WDPCP: variants seen among roughly 807,000 people sequenced by gnomAD.
WDPCP encodes the protein WD repeat-containing and planar cell polarity effector protein fritz homolog.
Under a neutral mutation model 93.1 loss-of-function variants are expected in WDPCP, and 71 were observed. The observed-to-expected ratio is 0.76, with a 90% CI of 0.63 to 0.93. WDPCP has a LOEUF of 0.93. Ranked by LOEUF, WDPCP falls within the 40% of genes least tolerant of loss-of-function variation. The probability of loss-of-function intolerance (pLI) is 0.00; values close to 1 mark genes in which losing one functional copy is unlikely to be tolerated. For synonymous variants in WDPCP, 315 were observed against 315.0 expected (o/e 1.00, Z 0.00); for missense variants, 844 against 887.4 (o/e 0.95, Z 0.62).
rs186365531 is a variant in WDPCP, at chr2:63,452,497, C to T, written c.385-12626G>A. Among the ~76,000 whole-genome samples the T allele has an allele frequency of 1.9e-3, 290 of 152,244 alleles. 2 individuals are homozygous for T. Among genetic ancestry groups the T allele is most frequent in the African/African-American group, 5.9e-3 (246 of 41,534 alleles). On this transcript the variant is annotated intron_variant, in intron 6 of 17. Transcript: ENST00000272321. The stretch of plus-strand genomic sequence containing the variant: ...GTTCATGGACAGGAAGAATCAATAT[C>T]GTGAAAATGGCCATACTGCCCAGGG...
chr2:63,704,391 A>G (rs1372839512), intron 2 of WDPCP, among the ~76,000 whole-genome samples: 1 of 152,106 alleles, frequency 6.6e-6, no homozygotes, highest in Admixed American at 6.5e-5. Context: ...TTTCAAAGGG[A>G]ATGCTTCCAG....
chr2:63,764,024 ATTG>A lies in WDPCP; in HGVS notation n.308+49595_308+49597del, dbSNP rs1476326239. Among the ~76,000 whole-genome samples the A allele has an allele frequency of 5.3e-5, 8 of 152,248 alleles. No homozygotes were observed. The East Asian group carries it at 9.6e-4, about 18-fold the overall frequency. ...TATCAATTCTTGTTCCCTGATAGTT[ATTG>A]TTATTACTTTTTATTGAGGTAAAAT... On this transcript the variant is annotated intron_variant and non_coding_transcript_variant, in intron 2 of 4. Coordinates refer to the WDPCP transcript ENST00000467687.
chr2:63,325,920 C>CA (rs922863341), intron 12 of WDPCP, among the ~76,000 whole-genome samples: 7 of 152,214 alleles, frequency 4.6e-5, no homozygotes, highest in Non-Finnish European at 1.0e-4. Context: ...AGTCCTTACT[C>CA]AGACTCGTGG....
chr2:63,801,549 C>A (rs916017720), intron 2 of WDPCP, among the ~76,000 whole-genome samples: 2 of 152,164 alleles, frequency 1.3e-5, no homozygotes, highest in African/African-American at 2.4e-5. Flanking sequence ...TATTTGTCCC[C>A]GCCCATGTTC....
chr2:63,811,504 A>G (rs781416421), intron 2 of WDPCP, among the ~76,000 whole-genome samples: 8 of 152,124 alleles, frequency 5.3e-5, no homozygotes, highest in Non-Finnish European at 8.8e-5. Flanking sequence ...TTACCAACAC[A>G]AGGAAATGAA....
At chr2:63,514,846 A>G (rs947116780) in intron 1 of WDPCP, among the ~76,000 whole-genome samples, 3 of 152,172 alleles carry the variant, frequency 2.0e-5, no homozygotes, top group Non-Finnish European at 2.9e-5. Flanking sequence ...TTAAGACAGA[A>G]TAGATATGAA....
intron 17 of WDPCP, among the ~76,000 whole-genome samples, chr2:63,139,092 T>C (rs757489610): frequency 3.9e-5 from 6 of 152,222 alleles, no homozygotes; most frequent in African/African-American, 9.6e-5. Context: ...TGTATATATA[T>C]ACGTGTATAT....
intron 1 of WDPCP, among the ~76,000 whole-genome samples, chr2:63,575,543 A>G (rs1708040139): frequency 2.1e-5 from 3 of 141,372 alleles, no homozygotes; most frequent in Non-Finnish European, 3.1e-5. Context: ...TACACTGTAT[A>G]TATAGTATAT....
intron 2 of WDPCP, among the ~76,000 whole-genome samples, chr2:63,754,038 G>T (rs1002949949): frequency 2.6e-5 from 4 of 152,200 alleles, no homozygotes; most frequent in Non-Finnish European, 5.9e-5. Context: ...CTGGTCTTAG[G>T]TAAAGTCTAG....
chr2:63,140,470 C>T (rs373468147), intron 17 of WDPCP, among the ~76,000 whole-genome samples: 1 of 151,832 alleles, frequency 6.6e-6, no homozygotes. Flanking sequence ...CGTTTGTTTG[C>T]GTCATCTATG....
At chr2:63,484,780 G>A (rs1700467022) in intron 5 of WDPCP, 117 bp from the exon 6 acceptor site, 1 of 1,499,474 alleles carries the variant, frequency 6.7e-7, no homozygotes, top group African/African-American at 1.4e-5. Flanking sequence ...AGATCCAACT[G>A]TTTTGGAACT....
chr2:63,139,747 T>G (rs1179150055), intron 17 of WDPCP, among the ~76,000 whole-genome samples: 1 of 152,224 alleles, frequency 6.6e-6, no homozygotes, highest in East Asian at 1.9e-4. Flanking sequence ...GAAGATTTTC[T>G]CCCACTCTGT....
chr2:63,720,684 T>C (rs548797881), intron 2 of WDPCP, among the ~76,000 whole-genome samples: 1 of 152,320 alleles, frequency 6.6e-6, no homozygotes, highest in East Asian at 1.9e-4. Flanking sequence ...GCTGAACTTC[T>C]GAACACAAAC....
intron 1 of WDPCP, among the ~76,000 whole-genome samples, chr2:63,509,079 G>A (rs1342851811): frequency 8.5e-5 from 13 of 152,064 alleles, no homozygotes; most frequent in South Asian, 2.1e-4. Context: ...TGGACCAAGC[G>A]GACCTAATAG....
intron 1 of WDPCP, among the ~76,000 whole-genome samples, chr2:63,542,788 A>G (rs1704841523): frequency 6.6e-6 from 1 of 152,196 alleles, no homozygotes; most frequent in Non-Finnish European, 1.5e-5. Context: ...GCAGTCTCTG[A>G]CGCATATGTA....
chr2:63,138,585 TG>T (rs1384625078), intron 17 of WDPCP, among the ~76,000 whole-genome samples: 1 of 151,878 alleles, frequency 6.6e-6, no homozygotes, highest in African/African-American at 2.4e-5. Context: ...CCCCCATAGC[TG>T]GGACTACAGG....
intron 6 of WDPCP, chr2:63,441,987 C>A (rs1198712633): frequency 6.6e-6 from 1 of 152,048 alleles, no homozygotes; most frequent in East Asian, 1.9e-4. Flanking sequence ...TACCAGTTTA[C>A]CAGACCTATT....
chr2:63,151,553 G>T (rs781495271), intron 17 of WDPCP, among the ~76,000 whole-genome samples: 2 of 152,076 alleles, frequency 1.3e-5, no homozygotes, highest in Non-Finnish European at 2.9e-5. Context: ...TTTAAAACAA[G>T]TATTCTAAAA....
chr2:63,603,655 C>CTTTTTTTTTTTTTTTTTTT (rs11297982), intron 3 of WDPCP, among the ~76,000 whole-genome samples: 1 of 99,112 alleles, frequency 1.0e-5, no homozygotes, highest in Non-Finnish European at 1.9e-5. Context: ...CAAGACATTT[C>CTTTTTTTTTTTTTTTTTTT]TTTTTTTTTT....
Sources: allele counts gnomAD v4.1 joint callset (sites outside exome capture counted in the v4.1 genomes callset), GRCh38; gene constraint gnomAD v4.1.1; transcripts MANE v1.5; gene names NCBI Gene and HGNC (gene_info 2026-07-23, HGNC 2026-07-21).